NFATC2: variants seen among roughly 807,000 people sequenced by gnomAD.
NFATC2 encodes nuclear factor of activated T-cells, cytoplasmic 2.
A neutral mutation model predicts 87.3 loss-of-function variants in NFATC2; 22 were observed. The ratio of observed to expected loss-of-function variants is 0.25; its 90% CI spans 0.18 to 0.36. The LOEUF is 0.36. Ranked by LOEUF, NFATC2 falls within the 10% of genes least tolerant of loss-of-function variation. The probability of loss-of-function intolerance (pLI) is 1.00; values close to 1 mark genes in which losing one functional copy is unlikely to be tolerated. For synonymous variants in NFATC2, 565 were observed against 542.2 expected (o/e 1.04, Z -0.58); for missense variants, 1,149 against 1,259.1 (o/e 0.91, Z 1.32).
intron 6 of NFATC2, among the ~76,000 whole-genome samples, chr20:51,441,179 A>G (rs1984281372): frequency 6.6e-6 from 1 of 152,166 alleles, no homozygotes; most frequent in Admixed American, 6.5e-5. Flanking sequence ...GCTACTCGGG[A>G]GGCTGAGGCA....
intron 1 of NFATC2, among the ~76,000 whole-genome samples, chr20:51,534,064 C>T (rs534296266): frequency 3.3e-4 from 50 of 152,260 alleles, no homozygotes; most frequent in African/African-American, 1.1e-3. Flanking sequence ...TCCACTGTGC[C>T]GCAAGCTTTC....
At chr20:51,541,957 A>T (rs903024890) in intron 1 of NFATC2, among the ~76,000 whole-genome samples, 1 of 151,790 alleles carries the variant, frequency 6.6e-6, no homozygotes, top group African/African-American at 2.4e-5. Context: ...TTTTTTTGGC[A>T]ACTCCTCCCT....
At chr20:51,557,791 AT>A (rs1354914072) in intron 1 of NFATC2, among the ~76,000 whole-genome samples, 2 of 152,172 alleles carry the variant, frequency 1.3e-5, no homozygotes, top group East Asian at 3.9e-4. Context: ...AACCAAAAGA[AT>A]TACTGAACAC....
At chr20:51,433,765 G>GCA (rs1336732766) in intron 8 of NFATC2, among the ~76,000 whole-genome samples, 3 of 150,408 alleles carry the variant, frequency 2.0e-5, no homozygotes, top group African/African-American at 7.5e-5. Context: ...ATGCATGTGT[G>GCA]TGTGTGTGTG....
At chr20:51,424,357 C>A (rs1165945117) in intron 9 of NFATC2, among the ~76,000 whole-genome samples, 1 of 152,120 alleles carries the variant, frequency 6.6e-6, no homozygotes, top group East Asian at 1.9e-4. Flanking sequence ...CTGCCCCTGC[C>A]CCTATAGCTC....
Position 51,524,024 on chromosome 20 carries a change from T to C in NFATC2, c.217A>G (p.Ser73Gly). The change falls in exon 2 of 11, where the codon AGC (serine) becomes GGC (glycine). Residue 73 changes from serine (S) to glycine (G), a missense_variant. By Grantham distance (56) the Ser-to-Gly change is moderately conservative. Coordinates refer to ENST00000371564, the MANE Select transcript of NFATC2 (RefSeq NM_012340.5). The surrounding 1 kb of genome is among the most constrained non-coding windows in gnomAD (Gnocchi z 4.0). ...TCGCCAGAGAGACTAGCAAGGGGGC[T>C]GTATGGCTTGAGGCCATAGTCCAGG... ...DVLDYGLKPYSPLASLSGEPP... is the reference protein window; with the variant it reads ...DVLDYGLKPYGPLASLSGEPP... 6.4e-7 allele frequency: 1 copy of C among 1,552,924 alleles called. No individual in the cohort carries two copies. Among genetic ancestry groups the C allele is most frequent in the Non-Finnish European group, 8.7e-7 (1 of 1,154,278 alleles).
At chr20:51,457,250 AGCT>A (rs1350085810) in intron 5 of NFATC2, among the ~76,000 whole-genome samples, 1 of 152,372 alleles carries the variant, frequency 6.6e-6, no homozygotes, top group Admixed American at 6.5e-5. Flanking sequence ...ACTGGGGAGC[AGCT>A]GGGGGCTTTT....
At chr20:51,493,841 C>T (rs1454055770) in intron 3 of NFATC2, among the ~76,000 whole-genome samples, 12 of 152,104 alleles carry the variant, frequency 7.9e-5, no homozygotes, top group African/African-American at 2.7e-4. Context: ...AGAGCCAGCC[C>T]GGAACGTGAC....
chr20:51,435,389 G>A, intron 7 of NFATC2, 75 bp from the exon 8 acceptor site: 1 of 1,592,948 alleles, frequency 6.3e-7, no homozygotes, highest in Non-Finnish European at 8.6e-7. Flanking sequence ...GCGCATCCAG[G>A]CAGCCCACTG....
upstream of NFATC2, chr20:51,542,758 G>GGT (rs1258368514): frequency 3.6e-6 from 1 of 276,760 alleles, no homozygotes; most frequent in Non-Finnish European, 5.0e-6. Flanking sequence ...GCGGGGGGGG[G>GGT]GGGGGCGTGG....
chr20:51,411,088 C>T lies in NFATC2; in HGVS notation c.2723-12358G>A, dbSNP rs115112044. 9.9e-3 allele frequency among the ~76,000 whole-genome samples: 1,502 copies of T among 152,244 alleles called. 23 individuals carry two copies. Among genetic ancestry groups the T allele is most frequent in the African/African-American group, 0.032 (1,311 of 41,526 alleles). On this transcript the variant is annotated intron_variant, in intron 9 of 10. Coordinates refer to ENST00000371564, the MANE Select transcript of NFATC2 (RefSeq NM_012340.5). ...GTTCTAAGCAATCTACATGTACTAA[C>T]CCACCCAATGTTCACAGTGACCCAT...
intron 10 of NFATC2, among the ~76,000 whole-genome samples, chr20:51,396,662 A>G (rs1449629535): frequency 6.6e-6 from 1 of 152,080 alleles, no homozygotes; most frequent in Non-Finnish European, 1.5e-5. Context: ...AGGCCAAATC[A>G]AAGAATCTGA....
At chr20:51,455,908 GTGGGT>G (rs1258190708) in intron 5 of NFATC2, among the ~76,000 whole-genome samples, 1 of 17,490 alleles carries the variant, frequency 5.7e-5, no homozygotes, top group Admixed American at 6.4e-4. Context: ...GGGTGGGTGG[GTGGGT>G]GGGTGGGTGG....
intron 9 of NFATC2, among the ~76,000 whole-genome samples, chr20:51,427,912 G>A (rs1162152431): frequency 6.6e-6 from 1 of 152,208 alleles, no homozygotes; most frequent in East Asian, 1.9e-4. Flanking sequence ...CCATGCTAAT[G>A]TCTGTCTCGC....
intron 3 of NFATC2, among the ~76,000 whole-genome samples, chr20:51,476,308 A>G (rs1988712716): frequency 6.9e-6 from 1 of 144,042 alleles, no homozygotes; most frequent in Non-Finnish European, 1.5e-5. Context: ...TTATATGACT[A>G]TATTCCAATG....
chr20:51,509,590 C>T (rs1385615506), intron 3 of NFATC2, among the ~76,000 whole-genome samples: 1 of 152,154 alleles, frequency 6.6e-6, no homozygotes, highest in Non-Finnish European at 1.5e-5. Flanking sequence ...TTAGCATCAG[C>T]AAGAACTACT....
chr20:51,558,822 G>A (rs556547691), intron 1 of NFATC2, among the ~76,000 whole-genome samples: 2 of 152,236 alleles, frequency 1.3e-5, no homozygotes, highest in Admixed American at 6.5e-5. Flanking sequence ...GGGAAATTGA[G>A]GCACAAGTGA....
chr20:51,533,256 C>G (rs1412626183), intron 1 of NFATC2, among the ~76,000 whole-genome samples: 2 of 152,224 alleles, frequency 1.3e-5, no homozygotes, highest in Admixed American at 1.3e-4. Context: ...GGCAGGTGTG[C>G]ACAACCTAGA....
At chr20:51,532,830 G>A (rs772095471) in intron 1 of NFATC2, among the ~76,000 whole-genome samples, 10 of 152,238 alleles carry the variant, frequency 6.6e-5, no homozygotes, top group Non-Finnish European at 1.5e-4. Context: ...AGAGGCAGCC[G>A]TCCTTGGGGG....
Sources: allele counts gnomAD v4.1 joint callset (sites outside exome capture counted in the v4.1 genomes callset), GRCh38; gene constraint gnomAD v4.1.1; non-coding constraint Gnocchi (gnomAD v3.1); transcripts MANE v1.5; gene names NCBI Gene and HGNC (gene_info 2026-07-23, HGNC 2026-07-21).